The following ASCC3 variants were observed in gnomAD, a reference collection of about 807,000 sequenced individuals.
ASCC3 encodes the protein ASC-1 complex subunit P200.
Under a neutral mutation model 256.3 loss-of-function variants are expected in ASCC3, and 158 were observed. The observed-to-expected ratio is 0.62, with a 90% CI of 0.54 to 0.70. ASCC3 has a LOEUF of 0.70. Among genes scored for constraint, ASCC3 ranks in the 30% least tolerant of loss-of-function variants. The pLI is 0.00. For missense variants in ASCC3, 2,259 were observed against 2,626.0 expected (o/e 0.86, Z 3.05); for synonymous variants, 948 against 883.4 (o/e 1.07, Z -1.30).
intron 10 of ASCC3, among the ~76,000 whole-genome samples, chr6:100,753,342 G>A (rs1488379894): frequency 6.7e-6 from 1 of 149,418 alleles, no homozygotes; most frequent in African/African-American, 2.5e-5. Context: ...ACAATAGAAT[G>A]GCTATCAGCT....
intron 4 of ASCC3, among the ~76,000 whole-genome samples, chr6:100,847,206 AATC>A (rs1399451009): frequency 1.3e-5 from 2 of 152,154 alleles, no homozygotes; most frequent in Non-Finnish European, 2.9e-5. Flanking sequence ...AGTTTATTAT[AATC>A]ATAATTGGAT....
intron 3 of ASCC3, among the ~76,000 whole-genome samples, chr6:100,861,607 T>G (rs1337437564): frequency 6.6e-6 from 1 of 152,166 alleles, no homozygotes; most frequent in Non-Finnish European, 1.5e-5. Context: ...TCACTAAACC[T>G]AATAGTTATT....
At chr6:100,754,146 A>C (rs1781067948) in intron 10 of ASCC3, among the ~76,000 whole-genome samples, 1 of 152,192 alleles carries the variant, frequency 6.6e-6, no homozygotes, top group African/African-American at 2.4e-5. Flanking sequence ...AATTTTATTA[A>C]ATATCAATTG....
At chr6:100,650,898 T>C (rs1179157464) in intron 19 of ASCC3, among the ~76,000 whole-genome samples, 184 bp from the exon 20 acceptor site, 1 of 151,900 alleles carries the variant, frequency 6.6e-6, no homozygotes, top group East Asian at 1.9e-4. Flanking sequence ...TATGAAATGA[T>C]CTTGAGGCTG....
At chr6:100,807,836 T>C (rs1349154620) in intron 4 of ASCC3, among the ~76,000 whole-genome samples, 1 of 151,916 alleles carries the variant, frequency 6.6e-6, no homozygotes, top group Non-Finnish European at 1.5e-5. Flanking sequence ...ATATATAGAA[T>C]AAATGTTATG....
At chr6:100,594,063 T>C (rs1055133707) in intron 34 of ASCC3, among the ~76,000 whole-genome samples, 27 of 152,156 alleles carry the variant, frequency 1.8e-4, no homozygotes, top group African/African-American at 6.5e-4. Flanking sequence ...AGTGACCAAC[T>C]CAGGAACAGT....
intron 38 of ASCC3, among the ~76,000 whole-genome samples, chr6:100,516,674 A>G (rs546594446): frequency 6.6e-6 from 1 of 152,280 alleles, no homozygotes; most frequent in Admixed American, 6.5e-5. Context: ...TGAGTGTAGC[A>G]AATGTCTTTA....
At chr6:100,664,608 A>G (rs1776380785) in intron 14 of ASCC3, among the ~76,000 whole-genome samples, 1 of 152,164 alleles carries the variant, frequency 6.6e-6, no homozygotes, top group South Asian at 2.1e-4. Flanking sequence ...CAGTGCAGTC[A>G]GCCTGTTAGA....
intron 3 of ASCC3, chr6:100,857,978 TAGTG>T (rs1414987969): frequency 6.5e-6 from 1 of 154,228 alleles, no homozygotes; most frequent in Non-Finnish European, 1.4e-5. Flanking sequence ...ATCATTATAA[TAGTG>T]AGTCTTCCAA....
At chr6:100,659,295 A>G (rs553028461) in intron 16 of ASCC3, among the ~76,000 whole-genome samples, 3 of 151,584 alleles carry the variant, frequency 2.0e-5, no homozygotes, top group East Asian at 3.9e-4. Context: ...TTATAAACCA[A>G]TTTCACACTT....
At chr6:100,846,623 A>G (rs1272680629) in intron 4 of ASCC3, among the ~76,000 whole-genome samples, 2 of 152,192 alleles carry the variant, frequency 1.3e-5, no homozygotes, top group Non-Finnish European at 2.9e-5. Flanking sequence ...CCACCTTTGC[A>G]TCTTGCATGC....
At chr6:100,703,626 A>C (rs1778445597) in intron 13 of ASCC3, among the ~76,000 whole-genome samples, 1 of 151,932 alleles carries the variant, frequency 6.6e-6, no homozygotes, top group East Asian at 1.9e-4. Flanking sequence ...CTCTTTGATA[A>C]ATTTTCATTA....
chr6:100,770,666 TA>T (rs1781872219), intron 8 of ASCC3, among the ~76,000 whole-genome samples: 1 of 151,958 alleles, frequency 6.6e-6, no homozygotes. Flanking sequence ...GATCAACAAC[TA>T]AAAAATTACA....
At position 100,540,167 on chromosome 6, in the gene ASCC3, C is replaced by T. The variant is rs1775378837; in HGVS notation, c.5771G>A (p.Cys1924Tyr). 6.2e-7 allele frequency: 1 copy of T among 1,612,238 alleles called. No homozygotes were observed. The highest frequency in any genetic ancestry group is 1.3e-5 in the African/African-American group (1 of 74,988). Residue 1924 changes from cysteine (C) to tyrosine (Y), a missense_variant, in exon 37 of 42, where the codon TGT (cysteine) becomes TAT (tyrosine). Around this residue, in one of 2 missense-constraint regions of ASCC3, gnomAD observed 1,839 missense variants for 2,206.7 expected, o/e 0.83. Transcript: ENST00000369162. ...TATTAGAAATGACTTTCATACCTGACATACTCTGAGAGCTTGGTCCAAGAC... is the reference window on the plus strand; with the variant it reads ...TATTAGAAATGACTTTCATACCTGATATACTCTGAGAGCTTGGTCCAAGAC... Reference protein sequence around the residue: ...KTVLDQALRVCQAMLDVAANQ... With the variant: ...KTVLDQALRVYQAMLDVAANQ...
rs192574795 is a variant in ASCC3 at position 100,606,718 on chromosome 6, T to C, written c.5044+22A>G. 1.2e-4 allele frequency: 190 copies of C among 1,585,556 alleles called. 1 individual carries two copies. In the Admixed American group the frequency reaches 3.3e-3, roughly 28 times the overall value. On this transcript the variant is annotated intron_variant, in intron 32 of 41. Transcript: ENST00000369162. ...AGGGTAAAATAGAGCTTCATGTATT[T>C]CTGTGAATTTAAGAAAATTACCTGT...
chr6:100,511,605 GC>G (rs1280220194), intron 40 of ASCC3, among the ~76,000 whole-genome samples: 1 of 152,034 alleles, frequency 6.6e-6, no homozygotes, highest in Non-Finnish European at 1.5e-5. Flanking sequence ...AGTGGCACAT[GC>G]CTGTAAAACC....
intron 3 of ASCC3, among the ~76,000 whole-genome samples, chr6:100,849,238 T>C (rs1338185711): frequency 2.6e-5 from 4 of 152,166 alleles, no homozygotes; most frequent in Non-Finnish European, 5.9e-5. Flanking sequence ...TTATTATGTA[T>C]CTAAGTGCAG....
chr6:100,590,041 A>T lies in ASCC3; in HGVS notation c.5322T>A (p.Asp1774Glu). ...IMNPSYYNLG[D>E]VSHDSVNKFL... Reference sequence around the variant, plus strand: ...ACTTGTTCACAGAATCATGGCTCACATCACCCAAATTGTAATAGCTAGAAA... The same window carrying T: ...ACTTGTTCACAGAATCATGGCTCACTTCACCCAAATTGTAATAGCTAGAAA... The change falls in exon 35 of 42, where the codon GAT (aspartate) becomes GAA (glutamate). Residue 1774 changes from aspartate to glutamate, a missense_variant. Coordinates refer to ENST00000369162, the MANE Select transcript of ASCC3 (RefSeq NM_006828.4). 1 of 1,613,002 alleles carries T rather than the reference A, an allele frequency of 6.2e-7. No homozygotes were observed. Among genetic ancestry groups the T allele is most frequent in the Non-Finnish European group, 8.5e-7 (1 of 1,179,098 alleles).
intron 36 of ASCC3, among the ~76,000 whole-genome samples, chr6:100,563,979 C>A (rs1172269653): frequency 6.6e-6 from 1 of 151,656 alleles, no homozygotes; most frequent in Admixed American, 6.6e-5. Flanking sequence ...GTGACTAGTC[C>A]AAGGTCATAC....
Sources: gnomAD v4.1 joint callset for allele counts (sites outside exome capture counted in the v4.1 genomes callset) on GRCh38, gnomAD v4.1.1 for gene constraint, gnomAD v4.1.1 regional missense constraint, MANE v1.5 for transcripts, NCBI Gene and HGNC (gene_info 2026-07-23, HGNC 2026-07-21) for gene names.